Variants in DNAJB6 observed in about 807,000 individuals in gnomAD.
The protein encoded by DNAJB6 is dnaJ homolog subfamily B member 6.
Under a neutral mutation model 42.7 loss-of-function variants are expected in DNAJB6, and 16 were observed. The observed-to-expected ratio is 0.37, with a 90% confidence interval of 0.25 to 0.57. The LOEUF is 0.57. Ranked by LOEUF, DNAJB6 falls within the 20% of genes least tolerant of loss-of-function variation. The pLI is 0.74. For synonymous variants in DNAJB6, 170 were observed against 163.5 expected, an observed-to-expected ratio of 1.04 and a Z score of -0.30; for missense variants, 347 against 416.8, an observed-to-expected ratio of 0.83 and a Z score of 1.46.
chr7:157,388,607 C>T (rs1326893909), intron 8 of DNAJB6, among the ~76,000 whole-genome samples: 1 of 146,130 alleles, frequency 6.8e-6, no homozygotes, highest in African/African-American at 2.5e-5. Flanking sequence ...TTTTTAAAGT[C>T]TTTAATTTTT....
chr7:157,357,549 G>A (rs772576013), intron 1 of DNAJB6, among the ~76,000 whole-genome samples: 1 of 151,802 alleles, frequency 6.6e-6, no homozygotes, highest in Non-Finnish European at 1.5e-5. Flanking sequence ...GACCTCAAGT[G>A]ATCCACCTCC....
chr7:157,370,154 G>GGGCCCTTTCTTAACATTATTATTAAACA (rs1800115707), intron 5 of DNAJB6, among the ~76,000 whole-genome samples: 2 of 122,684 alleles, frequency 1.6e-5, no homozygotes, highest in Admixed American at 8.5e-5. Flanking sequence ...ATTATTAAAC[G>GGGCCCTTTCTTAACATTATTATTAAACA]GGCCCCTTCT....
chr7:157,396,790 G>T (rs1450587959), intron 8 of DNAJB6, among the ~76,000 whole-genome samples: 1 of 152,192 alleles, frequency 6.6e-6, no homozygotes, highest in African/African-American at 2.4e-5. Context: ...CCAGTTCGGG[G>T]CAGGGAGGCC....
intron 5 of DNAJB6, chr7:157,378,216 C>T (rs1398526329): frequency 6.6e-6 from 1 of 152,226 alleles, no homozygotes; most frequent in Non-Finnish European, 1.5e-5. Flanking sequence ...CTTCAGCAGG[C>T]ACCTCACTGG....
chr7:157,344,509 A>G (rs2116866935), intron 1 of DNAJB6, among the ~76,000 whole-genome samples: 1 of 151,798 alleles, frequency 6.6e-6, no homozygotes, highest in East Asian at 1.9e-4. Flanking sequence ...TGAGACTCAA[A>G]CTCAAAAAAA....
intron 2 of DNAJB6, among the ~76,000 whole-genome samples, chr7:157,359,414 T>C (rs1181496179): frequency 6.6e-6 from 1 of 152,226 alleles, no homozygotes; most frequent in East Asian, 1.9e-4. Flanking sequence ...AGTCTCAATA[T>C]GTTGCTCAGG....
intron 8 of DNAJB6, chr7:157,386,153 G>A (rs941834124): frequency 1.8e-5 from 17 of 947,152 alleles, no homozygotes; most frequent in Middle Eastern, 5.4e-4. Context: ...TTCTAGTTGT[G>A]CATGAATGCT....
intron 2 of DNAJB6, among the ~76,000 whole-genome samples, chr7:157,361,792 G>A (rs758250439): frequency 6.6e-6 from 1 of 152,058 alleles, no homozygotes; most frequent in Non-Finnish European, 1.5e-5. Flanking sequence ...ATGTTGAGCC[G>A]GAGGCTCGCT....
In DNAJB6 at chr7:157,337,070, G is replaced by C. The variant is rs921567846; in HGVS notation, c.-101G>C. 15 of 152,646 alleles carry C rather than the reference G, an allele frequency of 9.8e-5. No individual in the cohort carries two copies. The highest frequency in any genetic ancestry group is 3.1e-4 in the African/African-American group (13 of 41,470). 9.5% of individuals were successfully genotyped at this position (152,646 alleles called of 1,614,324 possible). On this transcript the variant is annotated 5_prime_UTR_variant, in exon 1 of 10. Coordinates refer to ENST00000262177, the MANE Select transcript of DNAJB6 (RefSeq NM_058246.4). ...AGCCGCCGCCACCACCAGCGCAGCA[G>C]TCCTGGAGCTGTGAGGAGATTCGGG...
chr7:157,348,047 C>G (rs978063475), intron 1 of DNAJB6, among the ~76,000 whole-genome samples: 10 of 151,210 alleles, frequency 6.6e-5, no homozygotes, highest in African/African-American at 2.4e-4. Flanking sequence ...CCACCTACCT[C>G]AGCCTCCCAA....
chr7:157,397,387 T>C (rs764774681), intron 8 of DNAJB6, among the ~76,000 whole-genome samples: 1 of 152,218 alleles, frequency 6.6e-6, no homozygotes, highest in East Asian at 1.9e-4. Context: ...CTGCAGGTGC[T>C]GGGCCGGAAC....
chr7:157,347,423 A>C (rs1241369136), intron 1 of DNAJB6, among the ~76,000 whole-genome samples: 1 of 151,650 alleles, frequency 6.6e-6, no homozygotes, highest in Non-Finnish European at 1.5e-5. Flanking sequence ...CCCAGGTTGA[A>C]CTCAGACTCC....
chr7:157,358,469 C>A, intron 1 of DNAJB6, 78 bp from the exon 2 acceptor site: 2 of 900,990 alleles, frequency 2.2e-6, no homozygotes, highest in East Asian at 2.5e-5. Flanking sequence ...CCCCTTCCTC[C>A]CTCTCCAGAC....
chr7:157,382,113 CTT>C, intron 5 of DNAJB6, 131 bp from the exon 6 acceptor site: 1 of 991,014 alleles, frequency 1.0e-6, no homozygotes, highest in Non-Finnish European at 1.4e-6. Context: ...TAGATAAGCT[CTT>C]TTGTTAAAAC....
chr7:157,392,549 G>A (rs1308395124), intron 8 of DNAJB6, among the ~76,000 whole-genome samples: 1 of 152,064 alleles, frequency 6.6e-6, no homozygotes, highest in Non-Finnish European at 1.5e-5. Context: ...AGCCAGCTTT[G>A]TCCCAGATTT....
intron 8 of DNAJB6, among the ~76,000 whole-genome samples, chr7:157,396,912 A>AGT (rs972049909): frequency 1.3e-5 from 2 of 152,082 alleles, no homozygotes; most frequent in African/African-American, 4.8e-5. Context: ...CCGACGCCAC[A>AGT]GTGTGCTTTA....
chr7:157,361,434 G>A (rs1223164949), intron 2 of DNAJB6, among the ~76,000 whole-genome samples: 1 of 152,146 alleles, frequency 6.6e-6, no homozygotes, highest in Non-Finnish European at 1.5e-5. Flanking sequence ...TGAGATTACA[G>A]GCATGAGCCA....
intron 2 of DNAJB6, among the ~76,000 whole-genome samples, chr7:157,361,855 T>C (rs1342402596): frequency 6.6e-6 from 1 of 152,140 alleles, no homozygotes; most frequent in African/African-American, 2.4e-5. Flanking sequence ...TGCAACCTCT[T>C]TCTCCTGGGT....
chr7:157,395,820 T>A (rs1801557783), intron 8 of DNAJB6, among the ~76,000 whole-genome samples: 1 of 150,724 alleles, frequency 6.6e-6, no homozygotes, highest in African/African-American at 2.4e-5. Flanking sequence ...ACCCGGCTAA[T>A]TCTTTTTATA....
Sources: allele counts gnomAD v4.1 joint callset (sites outside exome capture counted in the v4.1 genomes callset), GRCh38; gene constraint gnomAD v4.1.1; transcripts MANE v1.5; gene names NCBI Gene and HGNC (gene_info 2026-07-23, HGNC 2026-07-21).